ACAN: variants seen among roughly 807,000 people sequenced by gnomAD.
ACAN encodes aggrecan, also known as aggrecan core protein.
A neutral mutation model predicts 169.1 loss-of-function variants in ACAN; 47 were observed. The observed-to-expected ratio is 0.28, with a 90% CI of 0.22 to 0.35. The LOEUF is 0.35. Among genes scored for constraint, ACAN ranks in the 10% least tolerant of loss-of-function variants. ACAN has a pLI of 1.00. For synonymous variants in ACAN, 1,115 were observed against 1,112.2 expected (o/e 1.00, Z -0.05); for missense variants, 2,716 against 2,759.9 (o/e 0.98, Z 0.36).
intron 1 of ACAN, among the ~76,000 whole-genome samples, chr15:88,805,093 C>T (rs1444635055): frequency 2.6e-5 from 4 of 152,178 alleles, no homozygotes; most frequent in Admixed American, 2.0e-4. Flanking sequence ...AGGCCATAGT[C>T]GGTCCCTCGT....
chr15:88,817,245 A>C, intron 1 of ACAN, among the ~76,000 whole-genome samples: 1 of 152,054 alleles, frequency 6.6e-6, no homozygotes, highest in Admixed American at 6.6e-5. Context: ...GGGTTCAAGC[A>C]ATTCTTCTGC....
At position 88,814,241 on chromosome 15, in the gene ACAN, T is replaced by C. The variant is rs1030037544; in HGVS notation, c.-8+10432T>C. Among the ~76,000 whole-genome samples, 1 of 152,186 alleles carries C rather than the reference T, an allele frequency of 6.6e-6. No homozygotes were observed. The highest frequency in any genetic ancestry group is 1.5e-5 in the Non-Finnish European group (1 of 68,036). On this transcript the variant is annotated intron_variant, in intron 1 of 18. Coordinates refer to ENST00000560601, the MANE Select transcript of ACAN (RefSeq NM_001369268.1). The surrounding 1 kb of genome is among the most constrained non-coding windows in gnomAD (Gnocchi z 4.0). ...GATTTGTTGGGAGGGTAAAATGAGA[T>C]AATATAGCTAAACCACAGTACCTCC...
At chr15:88,853,979 G>A (rs1055496285) in intron 11 of ACAN, among the ~76,000 whole-genome samples, 5 of 152,162 alleles carry the variant, frequency 3.3e-5, no homozygotes, top group African/African-American at 1.2e-4. Flanking sequence ...CCCCATCTGG[G>A]AAGTAGGCCC....
chr15:88,837,886 CTT>C (rs1555453564), intron 2 of ACAN, among the ~76,000 whole-genome samples: 11 of 112,844 alleles, frequency 9.7e-5, no homozygotes, highest in Admixed American at 8.8e-5. Context: ...ATGAAAGGTG[CTT>C]TTTTTTTTTT....
intron 1 of ACAN, among the ~76,000 whole-genome samples, chr15:88,805,347 C>T (rs746690199): frequency 3.9e-5 from 6 of 152,014 alleles, no homozygotes; most frequent in Non-Finnish European, 7.4e-5. Flanking sequence ...AAGCATTGAG[C>T]GGCAGTGGGG....
chr15:88,857,745 T>C lies in ACAN; in HGVS notation c.5160T>C (p.Ser1720=). ...GAACTGAACTCAGTGGCCAAGCATC[T>C]GGGTCTCCTGATGTCAGTGGGGAAA... is the stretch of plus-strand genomic sequence containing the variant. The part of the protein sequence containing the change: ...PSGTELSGQA[S]GSPDVSGEIP... The change falls in exon 12 of 19, where the codon TCT becomes TCC. Residue 1720 remains serine (S), a synonymous_variant. Transcript: ENST00000560601. The C allele has an allele frequency of 1.2e-6, 2 of 1,613,936 alleles. No individual in the cohort carries two copies. Among genetic ancestry groups the C allele is most frequent in the Non-Finnish European group, 1.7e-6 (2 of 1,179,876 alleles).
In ACAN at chr15:88,843,897, C is replaced by G. The variant is rs1427745891; in HGVS notation, c.1051+249C>G. 6.6e-6 allele frequency among the ~76,000 whole-genome samples: 1 copy of G among 152,172 alleles called. No individual in the cohort carries two copies. The highest frequency in any genetic ancestry group is 6.5e-5 in the Admixed American group (1 of 15,282). ...CAGCACAGACGAGGCTTAAAAACCT[C>G]CAAACTGTTTTCTCCAGTTTGAATC... On this transcript the variant is annotated intron_variant, in intron 6 of 18. Coordinates refer to ENST00000560601, the MANE Select transcript of ACAN (RefSeq NM_001369268.1). The surrounding 1 kb of genome is among the most constrained non-coding windows in gnomAD (Gnocchi z 4.0).
At chr15:88,811,517 A>G (rs1368777257) in intron 1 of ACAN, among the ~76,000 whole-genome samples, 1 of 152,210 alleles carries the variant, frequency 6.6e-6, no homozygotes, top group Non-Finnish European at 1.5e-5. Flanking sequence ...AAGGCTGGCC[A>G]TGCTGGGTAC....
In ACAN at chr15:88,847,420, G is replaced by T; in HGVS notation, c.1604+3G>T. The T allele has an allele frequency of 6.4e-7, 1 of 1,567,322 alleles. No homozygotes were observed. Among genetic ancestry groups the T allele is most frequent in the Non-Finnish European group, 8.7e-7 (1 of 1,152,300 alleles). On this transcript the variant is annotated splice_donor_region_variant and intron_variant, in intron 8 of 18. Transcript: ENST00000560601. Reference sequence around the variant, plus strand: ...TGGCTGCGGGACCAGACCGTCAGGTGAAGCCATGCTCCTCGCCCAGCCCAA... The same window carrying T: ...TGGCTGCGGGACCAGACCGTCAGGTTAAGCCATGCTCCTCGCCCAGCCCAA...
intron 1 of ACAN, among the ~76,000 whole-genome samples, chr15:88,808,293 G>C (rs998937765): frequency 6.6e-6 from 1 of 152,234 alleles, no homozygotes; most frequent in Non-Finnish European, 1.5e-5. Flanking sequence ...CCCCAGAGCA[G>C]GTTGGTAAGA....
At position 88,861,116 on chromosome 15, in the gene ACAN, T is replaced by A. The variant is rs57961084; in HGVS notation, c.6946+677T>A. 5.7e-4 allele frequency among the ~76,000 whole-genome samples: 87 copies of A among 152,290 alleles called. No individual in the cohort carries two copies. The highest frequency in any genetic ancestry group is 2.0e-3 in the African/African-American group (83 of 41,536). ...GGAGATGGTTAGAATCTACCTGTTG[T>A]TCCACGGACACACGGGAGGCCCGTG... On this transcript the variant is annotated intron_variant, in intron 13 of 18. Coordinates refer to ENST00000560601, the MANE Select transcript of ACAN (RefSeq NM_001369268.1). The surrounding 1 kb of genome is among the most constrained non-coding windows in gnomAD (Gnocchi z 6.3).
In ACAN at chr15:88,871,134, A is replaced by T. The variant is rs1006713124; in HGVS notation, c.7061-248A>T. ...GAGGAGGAAAGCTTGGGAGAGGGTG[A>T]GGGGGGAGGGCGTGGCATCAGGGAA... On this transcript the variant is annotated intron_variant, in intron 14 of 18. Coordinates refer to ENST00000560601, the MANE Select transcript of ACAN (RefSeq NM_001369268.1). The surrounding 1 kb of genome is among the most constrained non-coding windows in gnomAD (Gnocchi z 7.8). Among the ~76,000 whole-genome samples the T allele has an allele frequency of 6.6e-6, 1 of 152,088 alleles. No individual in the cohort carries two copies. Among genetic ancestry groups the T allele is most frequent in the Non-Finnish European group, 1.5e-5 (1 of 67,998 alleles).
In ACAN at chr15:88,874,887, T is replaced by TAGGGAGG; in HGVS notation, c.*418_*424dup. The TAGGGAGG allele has an allele frequency of 2.0e-5, 7 of 346,328 alleles. No homozygotes were observed. The highest frequency in any genetic ancestry group is 1.6e-4 in the South Asian group (7 of 43,240). The allele number at this position is 346,328 out of a possible 1,614,324, so 21.5% of individuals were successfully genotyped here. A position where few individuals can be genotyped will look rare whatever the true frequency, so the allele number is the denominator to read the frequency against. Reference sequence around the variant, plus strand: ...TGGTTATTTCACCTCCAGGGAGAGCTAGGGAGGAGGGAGGAGGGCTCCAAA... The same window carrying TAGGGAGG: ...TGGTTATTTCACCTCCAGGGAGAGCTAGGGAGGAGGGAGGAGGGAGGAGGGCTCCAAA... On this transcript the variant is annotated 3_prime_UTR_variant, in exon 19 of 19. Transcript: ENST00000560601. This position sits in a 1 kb window ranked among gnomAD's most constrained non-coding sequence, Gnocchi z 7.3.
At position 88,868,924 on chromosome 15, in the gene ACAN, T is replaced by C. The variant is rs559398486; in HGVS notation, c.7060+595T>C. Among the ~76,000 whole-genome samples, 143 of 152,328 alleles carry C rather than the reference T, an allele frequency of 9.4e-4. 1 individual carries two copies. Among genetic ancestry groups the C allele is most frequent in the African/African-American group, 2.8e-3 (116 of 41,580 alleles). Reference sequence around the variant, plus strand: ...ACTATTGTGACAGCTGCCATGGCAATGCCATGCCAGCCTATGCTTCCTTTC... The same window carrying C: ...ACTATTGTGACAGCTGCCATGGCAACGCCATGCCAGCCTATGCTTCCTTTC... On this transcript the variant is annotated intron_variant, in intron 14 of 18. Coordinates refer to ENST00000560601, the MANE Select transcript of ACAN (RefSeq NM_001369268.1). This position sits in a 1 kb window ranked among gnomAD's most constrained non-coding sequence, Gnocchi z 5.2.
At chr15:88,840,458 T>C (rs1651661105) in intron 4 of ACAN, among the ~76,000 whole-genome samples, 1 of 152,230 alleles carries the variant, frequency 6.6e-6, no homozygotes, top group Non-Finnish European at 1.5e-5. Context: ...CATTTTTTTC[T>C]TTGCCATGAT....
chr15:88,836,295 A>G lies in ACAN; in HGVS notation c.70+19A>G. 2 of 1,601,002 alleles carry G rather than the reference A, an allele frequency of 1.2e-6. No homozygotes were observed. Among genetic ancestry groups the G allele is most frequent in the East Asian group, 2.2e-5 (1 of 44,800 alleles). ...ACTTCAGGTGAGGACATTCCTATAC[A>G]TGTTTCACGTATTCAGTAGGCATGA... is the stretch of plus-strand genomic sequence containing the variant. On this transcript the variant is annotated intron_variant, in intron 2 of 18. Coordinates refer to ENST00000560601, the MANE Select transcript of ACAN (RefSeq NM_001369268.1).
In ACAN at chr15:88,874,789, G is replaced by A. The variant is rs1041835324; in HGVS notation, c.*308G>A. ...AGGGACCAGTGCAGGGACAGGGGGAGAAGGGGAGGGGTTAAGTTAAATAAA... is the reference window on the plus strand; with the variant it reads ...AGGGACCAGTGCAGGGACAGGGGGAAAAGGGGAGGGGTTAAGTTAAATAAA... On this transcript the variant is annotated 3_prime_UTR_variant, in exon 19 of 19. Coordinates refer to ENST00000560601, the MANE Select transcript of ACAN (RefSeq NM_001369268.1). The surrounding 1 kb of genome is among the most constrained non-coding windows in gnomAD (Gnocchi z 7.3). 5.5e-5 allele frequency: 24 copies of A among 438,604 alleles called. 1 individual carries two copies. Among genetic ancestry groups the A allele is most frequent in the Admixed American group, 5.4e-4 (16 of 29,418 alleles). 27.2% of individuals were successfully genotyped at this position (438,604 alleles called of 1,614,324 possible).
chr15:88,819,600 CAAAAAAA>C (rs35471694), intron 1 of ACAN, among the ~76,000 whole-genome samples: 1 of 111,128 alleles, frequency 9.0e-6, no homozygotes, highest in South Asian at 3.1e-4. Context: ...CTCGTCTCTA[CAAAAAAA>C]AAAAAAAAAA....
In ACAN at chr15:88,869,317, C is replaced by T. The variant is rs1897331053; in HGVS notation, c.7060+988C>T. Reference sequence around the variant, plus strand: ...AGAAACTTCCAGAAGGCAGGTGAAACTCCTGGGAAGTCTCCCTTTGGTCCT... The same window carrying T: ...AGAAACTTCCAGAAGGCAGGTGAAATTCCTGGGAAGTCTCCCTTTGGTCCT... On this transcript the variant is annotated intron_variant, in intron 14 of 18. Coordinates refer to ENST00000560601, the MANE Select transcript of ACAN (RefSeq NM_001369268.1). The surrounding 1 kb of genome is among the most constrained non-coding windows in gnomAD (Gnocchi z 4.2). Among the ~76,000 whole-genome samples, 1 of 152,218 alleles carries T rather than the reference C, an allele frequency of 6.6e-6. No individual in the cohort carries two copies. The highest frequency in any genetic ancestry group is 2.1e-4 in the South Asian group (1 of 4,834).
Sources: gnomAD v4.1 joint callset for allele counts (sites outside exome capture counted in the v4.1 genomes callset) on GRCh38, gnomAD v4.1.1 for gene constraint, Gnocchi (gnomAD v3.1) non-coding constraint, MANE v1.5 for transcripts, NCBI Gene and HGNC (gene_info 2026-07-23, HGNC 2026-07-21) for gene names.